The following UNC5D variants were observed in gnomAD, a reference collection of about 807,000 sequenced individuals.
UNC5D encodes the protein unc-5 netrin receptor D.
In UNC5D, 39 loss-of-function variants were observed where a neutral mutation model predicts 105.4. The ratio of observed to expected loss-of-function variants is 0.37; its 90% confidence interval spans 0.29 to 0.48. The LOEUF is 0.48. UNC5D is among the 20% of genes least tolerant of loss of function. The pLI is 0.98. For synonymous variants in UNC5D, 452 were observed against 450.4 expected (o/e 1.00, Z -0.04); for missense variants, 991 against 1,202.4 (o/e 0.82, Z 2.60).
chr8:35,757,143 TG>T (rs1830554328), intron 13 of UNC5D, among the ~76,000 whole-genome samples: 1 of 152,120 alleles, frequency 6.6e-6, no homozygotes, highest in African/African-American at 2.4e-5. Context: ...CACACAGAAA[TG>T]TGATTAGAAT....
At chr8:35,360,568 C>T (rs1318365615) in intron 1 of UNC5D, among the ~76,000 whole-genome samples, 1 of 152,116 alleles carries the variant, frequency 6.6e-6, no homozygotes, top group African/African-American at 2.4e-5. Context: ...AGTGCATCGT[C>T]TATAGGTTAC....
At chr8:35,252,316 T>A (rs1039070818) in intron 1 of UNC5D, among the ~76,000 whole-genome samples, 1 of 152,186 alleles carries the variant, frequency 6.6e-6, no homozygotes, top group Non-Finnish European at 1.5e-5. Context: ...CCACTATACT[T>A]AGAAGTAAAG....
chr8:35,563,155 A>G (rs1240838553), intron 2 of UNC5D, among the ~76,000 whole-genome samples: 2 of 151,960 alleles, frequency 1.3e-5, no homozygotes, highest in Non-Finnish European at 1.5e-5. Flanking sequence ...AGTCATTGGT[A>G]TTTTAATAGG....
chr8:35,647,062 T>G (rs1446488494), intron 4 of UNC5D, among the ~76,000 whole-genome samples: 1 of 152,176 alleles, frequency 6.6e-6, no homozygotes, highest in East Asian at 1.9e-4. Flanking sequence ...GGATGATTCA[T>G]TAGCAGATCT....
At chr8:35,765,818 T>G (rs1018491115) in intron 14 of UNC5D, among the ~76,000 whole-genome samples, 1 of 152,186 alleles carries the variant, frequency 6.6e-6, no homozygotes, top group Admixed American at 6.5e-5. Flanking sequence ...ATATATGTCT[T>G]GCCACCTTTC....
chr8:35,241,401 C>T (rs951163822), intron 1 of UNC5D, among the ~76,000 whole-genome samples: 5 of 152,214 alleles, frequency 3.3e-5, no homozygotes, highest in Admixed American at 2.0e-4. Flanking sequence ...AGTATGTTTT[C>T]GCTGTGTAAG....
At chr8:35,514,936 G>A (rs1347229154) in intron 1 of UNC5D, among the ~76,000 whole-genome samples, 1 of 152,122 alleles carries the variant, frequency 6.6e-6, no homozygotes, top group Admixed American at 6.5e-5. Context: ...TATGTTGCCG[G>A]CTCTGAAAGT....
intron 1 of UNC5D, among the ~76,000 whole-genome samples, chr8:35,382,305 GACA>G (rs1463226387): frequency 1.3e-5 from 2 of 152,196 alleles, no homozygotes; most frequent in Non-Finnish European, 2.9e-5. Context: ...ACTCAGGCCA[GACA>G]ACTGTATTTC....
At chr8:35,651,366 G>A (rs1823391628) in intron 4 of UNC5D, among the ~76,000 whole-genome samples, 1 of 152,158 alleles carries the variant, frequency 6.6e-6, no homozygotes. Flanking sequence ...AGGGAATGAT[G>A]TAAGGAGTAA....
At chr8:35,663,917 T>C (rs1440177924) in intron 4 of UNC5D, among the ~76,000 whole-genome samples, 2 of 152,170 alleles carry the variant, frequency 1.3e-5, no homozygotes, top group Non-Finnish European at 2.9e-5. Flanking sequence ...AAAAAGAGTG[T>C]GGTTATAAAC....
chr8:35,286,695 A>G (rs894449944), intron 1 of UNC5D, among the ~76,000 whole-genome samples: 1 of 152,158 alleles, frequency 6.6e-6, no homozygotes, highest in Non-Finnish European at 1.5e-5. Flanking sequence ...GTGATTACCC[A>G]TGGAAAGAGC....
At chr8:35,320,151 A>C (rs1014246269) in intron 1 of UNC5D, among the ~76,000 whole-genome samples, 1 of 152,084 alleles carries the variant, frequency 6.6e-6, no homozygotes, top group Non-Finnish European at 1.5e-5. Flanking sequence ...TAAGACATCA[A>C]TCAGTATATG....
At chr8:35,493,889 T>A (rs1037486221) in intron 1 of UNC5D, among the ~76,000 whole-genome samples, 9 of 152,246 alleles carry the variant, frequency 5.9e-5, no homozygotes, top group South Asian at 4.1e-4. Flanking sequence ...AATTGATAGG[T>A]AAATTTTTTT....
chr8:35,650,710 G>C (rs1823353043), intron 4 of UNC5D, among the ~76,000 whole-genome samples: 1 of 152,078 alleles, frequency 6.6e-6, no homozygotes, highest in Non-Finnish European at 1.5e-5. Context: ...GACCTCAGGT[G>C]ATCCGCCCAC....
chr8:35,338,472 C>T (rs1811216406), intron 1 of UNC5D, among the ~76,000 whole-genome samples: 1 of 151,958 alleles, frequency 6.6e-6, no homozygotes, highest in African/African-American at 2.4e-5. Flanking sequence ...ATTTGATTCA[C>T]TGAGATAGAT....
At chr8:35,461,065 G>A (rs1188990668) in intron 1 of UNC5D, among the ~76,000 whole-genome samples, 1 of 152,154 alleles carries the variant, frequency 6.6e-6, no homozygotes, top group African/African-American at 2.4e-5. Flanking sequence ...TTGACACTAT[G>A]TTTTGAGTAT....
chr8:35,506,929 TTAATGATTTATTTCA>T (rs1203853703), intron 1 of UNC5D, among the ~76,000 whole-genome samples: 9 of 152,168 alleles, frequency 5.9e-5, no homozygotes, highest in Non-Finnish European at 1.2e-4. Context: ...CCATGTTGCT[TTAATGATTTATTTCA>T]TAATTTTCTG....
intron 1 of UNC5D, among the ~76,000 whole-genome samples, chr8:35,275,147 T>A (rs1051486975): frequency 3.3e-5 from 5 of 150,906 alleles, no homozygotes; most frequent in African/African-American, 1.2e-4. Context: ...TATATATTTA[T>A]GAAAACATAA....
chr8:35,408,557 T>G (rs886551836), intron 1 of UNC5D, among the ~76,000 whole-genome samples: 2 of 151,512 alleles, frequency 1.3e-5, no homozygotes, highest in African/African-American at 2.4e-5. Flanking sequence ...CTGCTGACGT[T>G]TCGCTGCTTG....
Sources: allele counts gnomAD v4.1 joint callset (sites outside exome capture counted in the v4.1 genomes callset), GRCh38; gene constraint gnomAD v4.1.1; transcripts MANE v1.5; gene names NCBI Gene and HGNC (gene_info 2026-07-23, HGNC 2026-07-21).